UBQLN2: variants seen among roughly 807,000 people sequenced by gnomAD.
UBQLN2 encodes the protein ubiquilin-2.
In UBQLN2, 2 loss-of-function variants were observed where a neutral mutation model predicts 22.2. The ratio of observed to expected loss-of-function variants is 0.09; its 90% CI spans 0.04 to 0.28. The LOEUF is 0.28. Ranked by LOEUF, UBQLN2 falls within the 10% of genes least tolerant of loss-of-function variation. The pLI, the probability that UBQLN2 is intolerant of heterozygous loss-of-function variation, is 1.00. For missense variants in UBQLN2, 446 were observed against 505.1 expected, an observed-to-expected ratio of 0.88 and a Z score of 1.12; for synonymous variants, 252 against 206.7, an observed-to-expected ratio of 1.22 and a Z score of -1.88.
Position 56,565,568 on chromosome X carries a change from G to A in UBQLN2, c.1695G>A (p.Gln565=). Residue 565 remains glutamine (Q), a synonymous_variant, in exon 1 of 1, where the codon CAG becomes CAA. Coordinates refer to ENST00000338222, the MANE Select transcript of UBQLN2 (RefSeq NM_013444.4). The part of the protein sequence containing the change: ...PNQQFIQQMV[Q]ALAGANAPQL... ...AGCAGTTCATTCAGCAAATGGTGCA[G>A]GCCCTGGCTGGAGCAAATGCTCCAC... 8.3e-7 allele frequency: 1 copy of A among 1,212,023 alleles called. No individual in the cohort carries two copies. The highest frequency in any genetic ancestry group is 1.1e-6 in the Non-Finnish European group (1 of 895,537).
At position 56,567,182 on chromosome X, in the gene UBQLN2, T is replaced by C. The variant is rs1174360747; in HGVS notation, c.*1434T>C. ...TTTTCCCCCAACATATGAAATGTCA[T>C]ACATGTATATACTTTATTCTGTGTT... On this transcript the variant is annotated 3_prime_UTR_variant, in exon 1 of 1. Transcript: ENST00000338222. 4 of 123,584 alleles carry C rather than the reference T, an allele frequency of 3.2e-5. No homozygotes were observed. The highest frequency in any genetic ancestry group is 7.5e-5 in the Non-Finnish European group (4 of 53,257). The allele number at this position is 123,584 out of a possible 1,213,427, so 10.2% of individuals were successfully genotyped here.
In UBQLN2 at chrX:56,565,964, CT is replaced by C; in HGVS notation, c.*218del. On this transcript the variant is annotated 3_prime_UTR_variant, in exon 1 of 1. Coordinates refer to ENST00000338222, the MANE Select transcript of UBQLN2 (RefSeq NM_013444.4). ...CTTATTTTTCCTACCTTCCCTTCCTCTTGTCTCCCCACTCCCTCCCTCTTTG... is the reference window on the plus strand; with the variant it reads ...CTTATTTTTCCTACCTTCCCTTCCTCTGTCTCCCCACTCCCTCCCTCTTTG... 2.2e-6 allele frequency: 1 copy of C among 453,604 alleles called. No homozygotes were observed. The highest frequency in any genetic ancestry group is 3.9e-6 in the Non-Finnish European group (1 of 254,843). The allele number at this position is 453,604 out of a possible 1,213,427, so 37.4% of individuals were successfully genotyped here.
rs921094400 is a variant in UBQLN2, at chrX:56,563,647, G to A, written c.-227G>A. 8 of 337,047 alleles carry A rather than the reference G, an allele frequency of 2.4e-5. No homozygotes were observed. Among genetic ancestry groups the A allele is most frequent in the African/African-American group, 1.9e-4 (7 of 36,350 alleles). 27.8% of individuals were successfully genotyped at this position (337,047 alleles called of 1,213,427 possible). On this transcript the variant is annotated 5_prime_UTR_variant, in exon 1 of 1. Coordinates refer to ENST00000338222, the MANE Select transcript of UBQLN2 (RefSeq NM_013444.4). ...GGATCACAAGGCGGCGGCGGAGGAG[G>A]CCCAGAGACCGGAGCGCGGAGACCT... is the stretch of plus-strand genomic sequence containing the variant.
At position 56,565,560 on chromosome X, in the gene UBQLN2, A is replaced by T. The variant is rs1569254642; in HGVS notation, c.1687A>T (p.Met563Leu). ...SGPNQQFIQQ[M>L]VQALAGANAP... ...ACCCAACCAGCAGTTCATTCAGCAA[A>T]TGGTGCAGGCCCTGGCTGGAGCAAA... The change falls in exon 1 of 1, where the codon ATG (methionine) becomes TTG (leucine). Residue 563 changes from methionine (M) to leucine (L), a missense_variant. Physicochemically the swap from Met to Leu is conservative, Grantham distance 15 (BLOSUM62 2). Around this residue, in one of 3 missense-constraint regions of UBQLN2, gnomAD observed 278 missense variants for 279.4 expected, o/e 1.00. Coordinates refer to ENST00000338222, the MANE Select transcript of UBQLN2 (RefSeq NM_013444.4). 1 of 1,211,922 alleles carries T rather than the reference A, an allele frequency of 8.3e-7. No individual in the cohort carries two copies. The highest frequency in any genetic ancestry group is 1.1e-6 in the Non-Finnish European group (1 of 895,498).
Position 56,565,441 on chromosome X carries a change from C to A in UBQLN2, c.1568C>A (p.Ala523Asp). 8.4e-7 allele frequency: 1 copy of A among 1,192,753 alleles called. No homozygotes were observed. The highest frequency in any genetic ancestry group is 1.1e-6 in the Non-Finnish European group (1 of 885,212). ...IGPIGPTGPA[A>D]PPGSTGSGGP... is the part of the protein sequence containing the mutation. ...CCCATAGGACCCACTGGCCCTGCAG[C>A]CCCCCCTGGCTCCACCGGCTCTGGT... Residue 523 changes from alanine (A) to aspartate (D), a missense_variant, in exon 1 of 1, where the codon GCC becomes GAC. Ala to Asp is a moderately radical substitution (Grantham distance 126, BLOSUM62 -2). Transcript: ENST00000338222.
Position 56,566,555 on chromosome X carries a change from G to A in UBQLN2, c.*807G>A, listed in dbSNP as rs1400800869. On this transcript the variant is annotated 3_prime_UTR_variant, in exon 1 of 1. Coordinates refer to ENST00000338222, the MANE Select transcript of UBQLN2 (RefSeq NM_013444.4). ...TGAAAATGTTGGCTAGGCAAGTTCA[G>A]TTAAAATATAGTAGAAATGTTTATC... 1.6e-5 allele frequency: 2 copies of A among 123,534 alleles called. No homozygotes were observed. The highest frequency in any genetic ancestry group is 6.5e-5 in the African/African-American group (2 of 30,907). 10.2% of individuals were successfully genotyped at this position (123,534 alleles called of 1,213,427 possible). A position where few individuals can be genotyped will look rare whatever the true frequency, so the allele number is the denominator to read the frequency against.
At position 56,566,028 on chromosome X, in the gene UBQLN2, A is replaced by T; in HGVS notation, c.*280A>T. The T allele has an allele frequency of 2.5e-6, 1 of 399,269 alleles. No homozygotes were observed. Among genetic ancestry groups the T allele is most frequent in the Non-Finnish European group, 4.5e-6 (1 of 221,717 alleles). The allele number at this position is 399,269 out of a possible 1,213,427, so 32.9% of individuals were successfully genotyped here. On this transcript the variant is annotated 3_prime_UTR_variant, in exon 1 of 1. Coordinates refer to ENST00000338222, the MANE Select transcript of UBQLN2 (RefSeq NM_013444.4). ...CTTATTTCCTTTAGTTTCCTTCCTT[A>T]GCCGTTTTGAGTGGTGGGAATCAAT... is the stretch of plus-strand genomic sequence containing the variant.
Position 56,564,395 on chromosome X carries a change from G to A in UBQLN2, c.522G>A (p.Gln174=), listed in dbSNP as rs1271536440. The change falls in exon 1 of 1, where the codon CAG becomes CAA. Residue 174 remains glutamine, a synonymous_variant. Transcript: ENST00000338222. ...FSELQSQMQQ[Q]LMASPEMMIQ... ...AGCTCCAGAGCCAGATGCAGCAGCAGCTTATGGCCAGCCCTGAGATGATGA... is the reference window on the plus strand; with the variant it reads ...AGCTCCAGAGCCAGATGCAGCAGCAACTTATGGCCAGCCCTGAGATGATGA... The A allele has an allele frequency of 5.0e-6, 6 of 1,210,109 alleles. No homozygotes were observed. The highest frequency in any genetic ancestry group is 5.6e-6 in the Non-Finnish European group (5 of 895,335).
chrX:56,563,854 C>T lies in UBQLN2; in HGVS notation c.-20C>T. ...CGCCCGCCCGCGCCTTCCCTGCCCG[C>T]CTGCGTCACCGCGGCCGCCATGGCT... is the stretch of plus-strand genomic sequence containing the variant. On this transcript the variant is annotated 5_prime_UTR_variant, in exon 1 of 1. Coordinates refer to ENST00000338222, the MANE Select transcript of UBQLN2 (RefSeq NM_013444.4). 1.8e-6 allele frequency: 2 copies of T among 1,132,599 alleles called. No homozygotes were observed. The highest frequency in any genetic ancestry group is 2.3e-6 in the Non-Finnish European group (2 of 854,759). 93.3% of individuals were successfully genotyped at this position (1,132,599 alleles called of 1,213,427 possible).
chrX:56,566,100 G>T lies in UBQLN2; in HGVS notation c.*352G>T. The T allele has an allele frequency of 3.8e-6, 1 of 263,225 alleles. No homozygotes were observed. Among genetic ancestry groups the T allele is most frequent in the Non-Finnish European group, 7.0e-6 (1 of 141,943 alleles). The allele number at this position is 263,225 out of a possible 1,213,427, so 21.7% of individuals were successfully genotyped here. A position where few individuals can be genotyped will look rare whatever the true frequency, so the allele number is the denominator to read the frequency against. On this transcript the variant is annotated 3_prime_UTR_variant, in exon 1 of 1. Transcript: ENST00000338222. ...GCATGCAAACACTTCTCTTTATTCT[G>T]CATTTATTGTGATTTTTGGAAACAG...
chrX:56,565,880 A>G lies in UBQLN2; in HGVS notation c.*132A>G, dbSNP rs2068640111. 3 of 688,600 alleles carry G rather than the reference A, an allele frequency of 4.4e-6. No individual in the cohort carries two copies. The highest frequency in any genetic ancestry group is 6.7e-6 in the Non-Finnish European group (3 of 449,182). The allele number at this position is 688,600 out of a possible 1,213,427, so 56.7% of individuals were successfully genotyped here. On this transcript the variant is annotated 3_prime_UTR_variant, in exon 1 of 1. Transcript: ENST00000338222. ...AAATCTGTCTAGTTGTAAGTCTAAT[A>G]TGATGCATTTTAAGATGGAGTCCCT... is the stretch of plus-strand genomic sequence containing the variant.
In UBQLN2 at chrX:56,566,939, A is replaced by G. The variant is rs1350831931; in HGVS notation, c.*1191A>G. 1.6e-5 allele frequency: 2 copies of G among 123,507 alleles called. No individual in the cohort carries two copies. Among genetic ancestry groups the G allele is most frequent in the African/African-American group, 6.5e-5 (2 of 30,893 alleles). The allele number at this position is 123,507 out of a possible 1,213,427, so 10.2% of individuals were successfully genotyped here. ...ATGACTAAAAAAAATAAAAAATTAA[A>G]AAATGGATAAATCTTTTCTTTTTGC... On this transcript the variant is annotated 3_prime_UTR_variant, in exon 1 of 1. Transcript: ENST00000338222.
In UBQLN2 at chrX:56,566,649, G is replaced by A. The variant is rs985670515; in HGVS notation, c.*901G>A. On this transcript the variant is annotated 3_prime_UTR_variant, in exon 1 of 1. Transcript: ENST00000338222. ...GTGTAACATTGTGTCAACATTTGCA[G>A]ATTGACTGTATATGACCTTAATCTT... The A allele has an allele frequency of 5.7e-5, 7 of 123,443 alleles. No individual in the cohort carries two copies. The highest frequency in any genetic ancestry group is 1.1e-4 in the Non-Finnish European group (6 of 53,260). 10.2% of individuals were successfully genotyped at this position (123,443 alleles called of 1,213,427 possible). A position where few individuals can be genotyped will look rare whatever the true frequency, so the allele number is the denominator to read the frequency against.
At position 56,565,511 on chromosome X, in the gene UBQLN2, C is replaced by T. The variant is rs1407124947; in HGVS notation, c.1638C>T (p.Thr546=). 8.3e-7 allele frequency: 1 copy of T among 1,207,926 alleles called. No individual in the cohort carries two copies. Among genetic ancestry groups the T allele is most frequent in the African/African-American group, 1.7e-5 (1 of 57,354 alleles). Residue 546 remains threonine, a synonymous_variant, in exon 1 of 1, where the codon ACC becomes ACT. Coordinates refer to ENST00000338222, the MANE Select transcript of UBQLN2 (RefSeq NM_013444.4). ...PTVSSAAPSE[T]TSPTSESGPN... ...TGTCCAGCGCTGCACCTAGTGAAAC[C>T]ACGAGTCCTACATCAGAATCTGGAC...
In UBQLN2 at chrX:56,565,500, C is replaced by T; in HGVS notation, c.1627C>T (p.Pro543Ser). ...PTGPTVSSAA[P>S]SETTSPTSES... ...GGGGCCTACTGTGTCCAGCGCTGCA[C>T]CTAGTGAAACCACGAGTCCTACATC... Residue 543 changes from proline to serine, a missense_variant, in exon 1 of 1, where the codon CCT becomes TCT. By Grantham distance (74) the Pro-to-Ser change is moderately conservative. This residue lies in a region of UBQLN2 where 278 missense variants were observed against 279.4 expected (regional missense o/e 1.00). Coordinates refer to ENST00000338222, the MANE Select transcript of UBQLN2 (RefSeq NM_013444.4). The T allele has an allele frequency of 5.0e-6, 6 of 1,207,827 alleles. No homozygotes were observed. Among genetic ancestry groups the T allele is most frequent in the Non-Finnish European group, 6.7e-6 (6 of 893,209 alleles).
chrX:56,564,087 C>T lies in UBQLN2; in HGVS notation c.214C>T (p.Leu72=). The change falls in exon 1 of 1, where the codon CTA becomes TTA. Residue 72 remains leucine (L), a synonymous_variant. Coordinates refer to ENST00000338222, the MANE Select transcript of UBQLN2 (RefSeq NM_013444.4). ...SKRFKSQTDQ[L]VLIFAGKILK... ...ACGCTTCAAATCCCAAACCGATCAGCTAGTGCTGATTTTTGCCGGAAAAAT... is the reference window on the plus strand; with the variant it reads ...ACGCTTCAAATCCCAAACCGATCAGTTAGTGCTGATTTTTGCCGGAAAAAT... 2 of 1,209,232 alleles carry T rather than the reference C, an allele frequency of 1.7e-6. No individual in the cohort carries two copies. The highest frequency in any genetic ancestry group is 2.3e-4 in the Middle Eastern group (1 of 4,351).
In UBQLN2 at chrX:56,563,641, G is replaced by T. The variant is rs1477160559; in HGVS notation, c.-233G>T. 1.2e-5 allele frequency: 4 copies of T among 334,344 alleles called. No individual in the cohort carries two copies. The highest frequency in any genetic ancestry group is 2.0e-5 in the Non-Finnish European group (4 of 195,924). 27.6% of individuals were successfully genotyped at this position (334,344 alleles called of 1,213,427 possible). A position where few individuals can be genotyped will look rare whatever the true frequency, so the allele number is the denominator to read the frequency against. ...GCGGTCGGATCACAAGGCGGCGGCG[G>T]AGGAGGCCCAGAGACCGGAGCGCGG... is the stretch of plus-strand genomic sequence containing the variant. On this transcript the variant is annotated 5_prime_UTR_variant, in exon 1 of 1. Transcript: ENST00000338222.
Position 56,565,387 on chromosome X carries a change from T to G in UBQLN2, c.1514T>G (p.Val505Gly), listed in dbSNP as rs1181513775. 2 of 1,198,137 alleles carry G rather than the reference T, an allele frequency of 1.7e-6. No homozygotes were observed. The highest frequency in any genetic ancestry group is 3.0e-5 in the East Asian group (1 of 33,098). Residue 505 changes from valine to glycine, a missense_variant, in exon 1 of 1, where the codon GTC (valine) becomes GGC (glycine). This residue lies in a region of UBQLN2 where 278 missense variants were observed against 279.4 expected (regional missense o/e 1.00). Transcript: ENST00000338222. Reference sequence around the variant, plus strand: ...CCCATAGGCCCCATAGGCCCTATAGTCCCTTTTACCCCCATAGGCCCCATT... The same window carrying G: ...CCCATAGGCCCCATAGGCCCTATAGGCCCTTTTACCCCCATAGGCCCCATT... ...VTPIGPIGPI[V>G]PFTPIGPIGP...
At position 56,563,949 on chromosome X, in the gene UBQLN2, G is replaced by A; in HGVS notation, c.76G>A (p.Ala26Thr). The A allele has an allele frequency of 2.6e-6, 3 of 1,162,213 alleles. No homozygotes were observed. The highest frequency in any genetic ancestry group is 2.6e-5 in the Admixed American group (1 of 38,842). The change falls in exon 1 of 1, where the codon GCC becomes ACC. Residue 26 changes from alanine to threonine, a missense_variant. This residue lies in a region of UBQLN2 where 39 missense variants were observed against 27.6 expected (regional missense o/e 1.41). Transcript: ENST00000338222. ...TGCTGCGGCCCAAGGCTCGGCTGCT[G>A]CCCCGGCTGAGCCTAAAATCATCAA... ...GPAAAQGSAA[A>T]PAEPKIIKVT...
Sources: allele counts gnomAD v4.1 joint callset, GRCh38; gene constraint gnomAD v4.1.1; regional missense constraint gnomAD v4.1.1; transcripts MANE v1.5; gene names NCBI Gene and HGNC (gene_info 2026-07-23, HGNC 2026-07-21).